KCND2: variants seen among roughly 807,000 people sequenced by gnomAD.
KCND2 encodes the protein potassium voltage-gated channel subfamily D member 2, also known as A-type voltage-gated potassium channel KCND2.
Under a neutral mutation model 54.4 loss-of-function variants are expected in KCND2, and 16 were observed. The ratio of observed to expected loss-of-function variants is 0.29; its 90% CI spans 0.20 to 0.45. The LOEUF is 0.45. Ranked by LOEUF, KCND2 falls within the 20% of genes least tolerant of loss-of-function variation. The pLI is 1.00. For synonymous variants in KCND2, 317 were observed against 310.7 expected (o/e 1.02, Z -0.21); for missense variants, 486 against 824.2 (o/e 0.59, Z 5.02).
chr7:120,295,161 T>C (rs1355116083), intron 1 of KCND2, among the ~76,000 whole-genome samples: 1 of 151,932 alleles, frequency 6.6e-6, no homozygotes, highest in Non-Finnish European at 1.5e-5. Context: ...ACCAGTTTAG[T>C]TCAGCTTTGG....
intron 1 of KCND2, among the ~76,000 whole-genome samples, chr7:120,600,462 A>T (rs966864798): frequency 1.3e-5 from 2 of 151,992 alleles, no homozygotes; most frequent in African/African-American, 4.8e-5. Flanking sequence ...CTAAAACCCA[A>T]CTTCTGTGGA....
At chr7:120,360,580 T>C (rs1800578749) in intron 1 of KCND2, among the ~76,000 whole-genome samples, 1 of 152,124 alleles carries the variant, frequency 6.6e-6, no homozygotes, top group South Asian at 2.1e-4. Flanking sequence ...AATACTTACT[T>C]TGAAAGTAGA....
At chr7:120,302,170 A>G (rs1799592905) in intron 1 of KCND2, among the ~76,000 whole-genome samples, 1 of 152,194 alleles carries the variant, frequency 6.6e-6, no homozygotes, top group South Asian at 2.1e-4. Context: ...AAAAGTTCAA[A>G]CCAGTTATGT....
chr7:120,325,968 T>A (rs943804638), intron 1 of KCND2, among the ~76,000 whole-genome samples: 1 of 152,074 alleles, frequency 6.6e-6, no homozygotes, highest in Non-Finnish European at 1.5e-5. Flanking sequence ...GTTTTCAAAG[T>A]TTTTCTTAAT....
rs558541274 is a variant in KCND2 at position 120,530,916 on chromosome 7, C to T, written c.1116-201987C>T. ...TTTACATCGCTCAGGTTACACGATT[C>T]ATCATTATAATACTTCCTGGTGTCC... On this transcript the variant is annotated intron_variant, in intron 1 of 5. Transcript: ENST00000331113. Among the ~76,000 whole-genome samples, 4 of 152,140 alleles carry T rather than the reference C, an allele frequency of 2.6e-5. No homozygotes were observed. The South Asian group carries it at 8.3e-4, about 32-fold the overall frequency.
At chr7:120,277,665 G>T (rs902495761) in intron 1 of KCND2, among the ~76,000 whole-genome samples, 5 of 151,902 alleles carry the variant, frequency 3.3e-5, no homozygotes, top group African/African-American at 1.2e-4. Flanking sequence ...GACTTGAGAA[G>T]TTAGCATTAT....
intron 1 of KCND2, among the ~76,000 whole-genome samples, chr7:120,377,179 A>C (rs575581246): frequency 6.6e-5 from 10 of 151,986 alleles, no homozygotes; most frequent in Non-Finnish European, 1.2e-4. Flanking sequence ...AGCTGAAAGT[A>C]ATAATGCTGA....
chr7:120,275,848 C>A (rs1799165698), intron 1 of KCND2, 101 bp downstream of exon 1: 1 of 1,333,018 alleles, frequency 7.5e-7, no homozygotes, highest in East Asian at 2.3e-5. Context: ...CATTTGTTTT[C>A]TTTCCTGAGT....
intron 1 of KCND2, among the ~76,000 whole-genome samples, chr7:120,286,500 C>T (rs1194889769): frequency 6.6e-6 from 1 of 151,802 alleles, no homozygotes; most frequent in East Asian, 1.9e-4. Context: ...TGAGGGATTG[C>T]TATTATATTG....
rs1472234526 is a variant in KCND2, at chr7:120,275,728, G to A, written c.1096G>A (p.Val366Ile). Residue 366 changes from valine (V) to isoleucine (I), a missense_variant, in exon 1 of 6, where the codon GTC (valine) becomes ATC (isoleucine). By Grantham distance (29) the Val-to-Ile change is conservative. Transcript: ENST00000331113. Reference sequence around the variant, plus strand: ...CCCTGCAGCCTTCTGGTATACCATCGTCACCATGACAACACTAGGGTAGGT... The same window carrying A: ...CCCTGCAGCCTTCTGGTATACCATCATCACCATGACAACACTAGGGTAGGT... ...SIPAAFWYTIVTMTTLGYGDM... is the reference protein window; with the variant it reads ...SIPAAFWYTIITMTTLGYGDM... 6.2e-7 allele frequency: 1 copy of A among 1,600,590 alleles called. No individual in the cohort carries two copies. The highest frequency in any genetic ancestry group is 8.5e-7 in the Non-Finnish European group (1 of 1,179,924).
intron 1 of KCND2, among the ~76,000 whole-genome samples, chr7:120,569,097 A>G (rs1446724436): frequency 6.6e-6 from 1 of 152,102 alleles, no homozygotes; most frequent in Admixed American, 6.6e-5. Context: ...TCTAGGAGGA[A>G]GTTTGCAAAA....
intron 1 of KCND2, among the ~76,000 whole-genome samples, chr7:120,524,739 C>A (rs1346067294): frequency 6.6e-6 from 1 of 152,132 alleles, no homozygotes; most frequent in Non-Finnish European, 1.5e-5. Context: ...TTAGTCAATA[C>A]CCTAATGCAC....
intron 1 of KCND2, among the ~76,000 whole-genome samples, chr7:120,445,269 TAAG>T (rs962157458): frequency 2.6e-5 from 4 of 152,188 alleles, no homozygotes; most frequent in Non-Finnish European, 5.9e-5. Context: ...AGTAAACAAA[TAAG>T]AAAAGCCATT....
chr7:120,543,565 A>G (rs1382716064), intron 1 of KCND2, among the ~76,000 whole-genome samples: 1 of 152,060 alleles, frequency 6.6e-6, no homozygotes, highest in Non-Finnish European at 1.5e-5. Flanking sequence ...ACAAATTTGA[A>G]TGGGTGATTA....
intron 4 of KCND2, among the ~76,000 whole-genome samples, chr7:120,743,553 A>C (rs775459171): frequency 2.0e-5 from 3 of 152,178 alleles, no homozygotes; most frequent in Non-Finnish European, 4.4e-5. Context: ...TGCCACAGTC[A>C]AGAGAGTAAA....
intron 1 of KCND2, among the ~76,000 whole-genome samples, chr7:120,306,479 C>T (rs1482456950): frequency 6.6e-6 from 1 of 151,886 alleles, no homozygotes; most frequent in Non-Finnish European, 1.5e-5. Context: ...GGCAGTGAAA[C>T]AAAACAAGTT....
At chr7:120,335,859 A>C (rs931807768) in intron 1 of KCND2, among the ~76,000 whole-genome samples, 11 of 152,224 alleles carry the variant, frequency 7.2e-5, no homozygotes, top group Admixed American at 6.5e-4. Context: ...ATTTACAAGT[A>C]AAACTTCACC....
At chr7:120,653,347 C>A (rs913083728) in intron 1 of KCND2, among the ~76,000 whole-genome samples, 4 of 151,938 alleles carry the variant, frequency 2.6e-5, no homozygotes, top group African/African-American at 9.7e-5. Context: ...CATCGGGCCC[C>A]TCTTTACAAT....
intron 1 of KCND2, among the ~76,000 whole-genome samples, chr7:120,486,852 A>G (rs117873439): frequency 0.014 from 2,078 of 152,086 alleles, 20 homozygotes; most frequent in East Asian, 0.037. Flanking sequence ...AGCTTGAGGA[A>G]TACTAGATGT....
Sources: gnomAD v4.1 joint callset for allele counts (sites outside exome capture counted in the v4.1 genomes callset) on GRCh38, gnomAD v4.1.1 for gene constraint, MANE v1.5 for transcripts, NCBI Gene and HGNC (gene_info 2026-07-23, HGNC 2026-07-21) for gene names.